The following NCOR2 variants were observed in gnomAD, a reference collection of about 807,000 sequenced individuals.
NCOR2 encodes CTG repeat protein 26.
NCOR2 carries 81 observed loss-of-function variants against 262.9 expected under a neutral mutation model. That is an observed-to-expected ratio of 0.31 (90% CI 0.26 to 0.37). NCOR2 has a LOEUF of 0.37. NCOR2 is among the 10% of genes least tolerant of loss of function. The pLI, the probability that NCOR2 is intolerant of heterozygous loss-of-function variation, is 1.00. For synonymous variants in NCOR2, 1,659 were observed against 1,559.3 expected (o/e 1.06, Z -1.51); for missense variants, 3,385 against 3,621.4 (o/e 0.93, Z 1.68).
At chr12:124,392,447 G>A (rs962465834) in intron 16 of NCOR2, among the ~76,000 whole-genome samples, 1 of 152,086 alleles carries the variant, frequency 6.6e-6, no homozygotes, top group African/African-American at 2.4e-5. Flanking sequence ...CCTTGGACGC[G>A]AGCCCCGAGG....
chr12:124,372,513 G>C (rs773834731), exon 20 of NCOR2: 1 of 1,592,660 alleles, frequency 6.3e-7, no homozygotes, highest in Non-Finnish European at 8.5e-7. Context: ...CGGCGCCCAG[G>C]GTGGCTGGGG....
At chr12:124,355,465 G>A (rs1184622965) in exon 24 of NCOR2, 19 of 1,613,148 alleles carry the variant, frequency 1.2e-5, no homozygotes, top group East Asian at 2.2e-5. Flanking sequence ...TCTCGAGGAC[G>A]CTGGGGTGCT....
chr12:124,551,034 T>C (rs924616669), intron 1 of NCOR2, among the ~76,000 whole-genome samples: 1 of 152,236 alleles, frequency 6.6e-6, no homozygotes, highest in African/African-American at 2.4e-5. Context: ...CACCAGCACA[T>C]GGTGAAAACC....
intron 1 of NCOR2, among the ~76,000 whole-genome samples, chr12:124,494,421 A>G (rs2048266833): frequency 6.6e-6 from 1 of 152,194 alleles, no homozygotes; most frequent in South Asian, 2.1e-4. Context: ...AAGGAGCGAA[A>G]CCAAGGCCCG....
chr12:124,331,090 T>G (rs919906846), intron 43 of NCOR2, among the ~76,000 whole-genome samples, 192 bp from the exon 46 acceptor site: 1 of 143,054 alleles, frequency 7.0e-6, no homozygotes. Flanking sequence ...TGAGATAGAG[T>G]CTCGCTCTGT....
exon 44 of NCOR2, chr12:124,330,879 C>T (rs372054945): frequency 9.5e-6 from 15 of 1,583,092 alleles, no homozygotes; most frequent in Non-Finnish European, 1.3e-5. Context: ...TGAAGATCTC[C>T]GTCCCAGGCT....
chr12:124,565,280 C>G (rs1469528957), intron 1 of NCOR2, among the ~76,000 whole-genome samples: 1 of 152,168 alleles, frequency 6.6e-6, no homozygotes, highest in Non-Finnish European at 1.5e-5. Context: ...GCACCACAGA[C>G]TCCCCCGGCA....
At chr12:124,506,579 C>T (rs962941554) in intron 1 of NCOR2, among the ~76,000 whole-genome samples, 28 of 147,842 alleles carry the variant, frequency 1.9e-4, no homozygotes, top group Admixed American at 1.9e-3. Context: ...TGGCTCCACC[C>T]GAGAAGCCCT....
intron 20 of NCOR2, among the ~76,000 whole-genome samples, chr12:124,366,892 G>A (rs567530075): frequency 5.1e-4 from 78 of 152,144 alleles, no homozygotes; most frequent in South Asian, 2.7e-3. Context: ...AATGAAATGA[G>A]GACCATACTA....
chr12:124,521,922 G>A (rs1198294093), intron 1 of NCOR2, among the ~76,000 whole-genome samples: 1 of 152,304 alleles, frequency 6.6e-6, no homozygotes, highest in East Asian at 1.9e-4. Context: ...GGAGGCTGAG[G>A]TAAGAGAATT....
At chr12:124,496,449 C>T (rs1030103636), upstream of NCOR2, among the ~76,000 whole-genome samples, 1 of 152,114 alleles carries the variant, frequency 6.6e-6, no homozygotes, top group Non-Finnish European at 1.5e-5. This position sits in a 1 kb window ranked among gnomAD's most constrained non-coding sequence, Gnocchi z 4.4. Context: ...GGAAATGCAC[C>T]CTGGCACCGG....
exon 34 of NCOR2, chr12:124,342,062 T>C: frequency 6.2e-7 from 1 of 1,608,920 alleles, no homozygotes; most frequent in Non-Finnish European, 8.5e-7. Context: ...TCGGGGCAGG[T>C]AGTAGGCAGC....
chr12:124,362,346 GACAGGGT>G, intron 21 of NCOR2, 49 bp from the exon 24 acceptor site: 1 of 1,316,036 alleles, frequency 7.6e-7, no homozygotes, highest in East Asian at 2.7e-5. Flanking sequence ...GTCTGAAAGT[GACAGGGT>G]CAGGGAGAGA....
rs776138026 is a variant in NCOR2 at position 124,503,739 on chromosome 12, G to GATGGATGC, written c.-117-8379_-117-8372dup. ...AGACGAATGGATGGATGGATGGACG[G>GATGGATGC]ATGGATGCATGGATGCATGGATGGA... is the stretch of plus-strand genomic sequence containing the variant. On this transcript the variant is annotated intron_variant, in intron 1 of 46. Transcript: ENST00000404621. The surrounding 1 kb of genome is among the most constrained non-coding windows in gnomAD (Gnocchi z 4.3). 1.3e-5 allele frequency among the ~76,000 whole-genome samples: 2 copies of GATGGATGC among 150,638 alleles called. No individual in the cohort carries two copies. The highest frequency in any genetic ancestry group is 3.0e-5 in the Non-Finnish European group (2 of 67,302).
intron 1 of NCOR2, among the ~76,000 whole-genome samples, chr12:124,532,612 A>G (rs1221667496): frequency 6.6e-6 from 1 of 152,182 alleles, no homozygotes; most frequent in Non-Finnish European, 1.5e-5. Context: ...AAGTGCTTGC[A>G]GACAAAAAGC....
At chr12:124,348,106 C>T (rs1245520648) in intron 29 of NCOR2, 68 bp downstream of exon 31, 30 of 1,594,084 alleles carry the variant, frequency 1.9e-5, no homozygotes, top group Admixed American at 8.5e-5. Flanking sequence ...ATCTGTAAAA[C>T]GGGGTCAGCC....
intron 14 of NCOR2, among the ~76,000 whole-genome samples, chr12:124,401,791 G>A (rs1275244204): frequency 6.6e-6 from 1 of 152,210 alleles, no homozygotes; most frequent in Non-Finnish European, 1.5e-5. Flanking sequence ...ACGGGGTGAG[G>A]AAGCCAGATG....
Position 124,422,692 on chromosome 12 carries a change from A to AG in NCOR2, c.1329-138dup, listed in dbSNP as rs535469804. The AG allele has an allele frequency of 3.0e-3, 1,724 of 570,322 alleles. 13 individuals are homozygous for AG. The highest frequency in any genetic ancestry group is 0.028 in the African/African-American group (1,352 of 48,174). The allele number at this position is 570,322 out of a possible 1,614,324, so 35.3% of individuals were successfully genotyped here. On this transcript the variant is annotated intron_variant, in intron 11 of 46. Coordinates refer to ENST00000405201, the Ensembl canonical transcript of NCOR2. ...CGCCCCACTTGGAGCAATTAAGCCC[A>AG]GGGGGGTGTGGGAAGGGCTGCTGCG... is the stretch of plus-strand genomic sequence containing the variant.
At chr12:124,324,526 G>A (rs2034498405) in exon 47 of NCOR2, 1 of 152,450 alleles carries the variant, frequency 6.6e-6, no homozygotes. Context: ...GCCCAAGGAA[G>A]GGAGGGAGGG....
Sources: allele counts gnomAD v4.1 joint callset (sites outside exome capture counted in the v4.1 genomes callset), GRCh38; gene constraint gnomAD v4.1.1; non-coding constraint Gnocchi (gnomAD v3.1); transcripts MANE v1.5; gene names NCBI Gene and HGNC (gene_info 2026-07-23, HGNC 2026-07-21).